The following DAPK1 variants were observed in gnomAD, a reference collection of about 807,000 sequenced individuals.
The protein encoded by DAPK1 is death-associated protein kinase 1.
Under a neutral mutation model 144.9 loss-of-function variants are expected in DAPK1, and 56 were observed. The ratio of observed to expected loss-of-function variants is 0.39; its 90% CI spans 0.31 to 0.48. The LOEUF is 0.48. Among genes scored for constraint, DAPK1 ranks in the 20% least tolerant of loss-of-function variants. The probability of loss-of-function intolerance (pLI) is 0.95; values close to 1 mark genes in which losing one functional copy is unlikely to be tolerated. For missense variants in DAPK1, 1,454 were observed against 1,875.4 expected, an observed-to-expected ratio of 0.78 and a Z score of 4.15; for synonymous variants, 690 against 749.0, an observed-to-expected ratio of 0.92 and a Z score of 1.29.
chr9:87,544,115 A>C (rs1403543018), intron 2 of DAPK1, among the ~76,000 whole-genome samples: 1 of 152,322 alleles, frequency 6.6e-6, no homozygotes, highest in South Asian at 2.1e-4. Flanking sequence ...TCATTATCTA[A>C]ATTTTAGAAA....
chr9:87,568,786 G>A lies in DAPK1; in HGVS notation c.63-36168G>A, dbSNP rs565849965. On this transcript the variant is annotated intron_variant, in intron 2 of 25. Coordinates refer to ENST00000408954, the MANE Select transcript of DAPK1 (RefSeq NM_004938.4). ...GGTCTCTGAGCCATATAGTGTTGGG[G>A]CTGTTGCAAAACTGGTCCACTTCCA... Among the ~76,000 whole-genome samples, 299 of 151,190 alleles carry A rather than the reference G, an allele frequency of 2.0e-3. 1 individual carries two copies. The highest frequency in any genetic ancestry group is 3.7e-3 in the Non-Finnish European group (250 of 67,670).
chr9:87,614,974 G>A (rs533939587), intron 3 of DAPK1, among the ~76,000 whole-genome samples: 59 of 152,310 alleles, frequency 3.9e-4, no homozygotes, highest in Admixed American at 2.2e-3. Flanking sequence ...ACAGGCAGCC[G>A]GGGATGGTTC....
intron 2 of DAPK1, among the ~76,000 whole-genome samples, chr9:87,581,181 C>T (rs900894411): frequency 6.6e-6 from 1 of 152,172 alleles, no homozygotes; most frequent in Non-Finnish European, 1.5e-5. Flanking sequence ...TCCATAGCTT[C>T]GGAAGACGCA....
At chr9:87,679,506 G>T (rs1164163173) in intron 19 of DAPK1, among the ~76,000 whole-genome samples, 1 of 152,134 alleles carries the variant, frequency 6.6e-6, no homozygotes, top group East Asian at 1.9e-4. Flanking sequence ...GCCACATCAC[G>T]TAAACCTTGA....
At chr9:87,523,411 C>T (rs1308016269) in intron 2 of DAPK1, among the ~76,000 whole-genome samples, 1 of 152,102 alleles carries the variant, frequency 6.6e-6, no homozygotes, top group East Asian at 1.9e-4. Flanking sequence ...ATCTTTCCAC[C>T]TCAGCCTCCT....
intron 2 of DAPK1, among the ~76,000 whole-genome samples, chr9:87,500,628 T>A (rs151000412): frequency 9.9e-4 from 151 of 152,310 alleles, no homozygotes; most frequent in African/African-American, 3.4e-3. Flanking sequence ...TCATTATGAT[T>A]TTTTGGTACC....
Position 87,696,725 on chromosome 9 carries a change from CACT to C in DAPK1, c.2414-281_2414-279del, listed in dbSNP as rs776165944. Among the ~76,000 whole-genome samples, 22 of 152,276 alleles carry C rather than the reference CACT, an allele frequency of 1.4e-4. 1 individual carries two copies. The highest frequency in any genetic ancestry group is 4.1e-4 in the South Asian group (2 of 4,828). On this transcript the variant is annotated intron_variant, in intron 21 of 25. Coordinates refer to ENST00000408954, the MANE Select transcript of DAPK1 (RefSeq NM_004938.4). ...GCAAGAACACACTCACTCACTCACT[CACT>C]CCTTCCCACCAGCACCAAGCCATTT... is the stretch of plus-strand genomic sequence containing the variant.
chr9:87,613,926 G>T (rs1433102540), intron 3 of DAPK1, among the ~76,000 whole-genome samples: 1 of 152,150 alleles, frequency 6.6e-6, no homozygotes, highest in Non-Finnish European at 1.5e-5. Flanking sequence ...ATTCACAAAG[G>T]TAATTTCAAG....
At chr9:87,618,325 T>C (rs1455837601) in intron 3 of DAPK1, among the ~76,000 whole-genome samples, 1 of 152,204 alleles carries the variant, frequency 6.6e-6, no homozygotes, top group East Asian at 1.9e-4. Context: ...GCTCAAACAG[T>C]GCTGGTGAGA....
intron 15 of DAPK1, 34 bp from the exon 16 acceptor site, chr9:87,649,887 T>C: frequency 6.2e-7 from 1 of 1,607,024 alleles, no homozygotes; most frequent in Non-Finnish European, 8.5e-7. Flanking sequence ...CATTATTGTG[T>C]TCTCCTCCTC....
chr9:87,506,372 C>T (rs1032904787), intron 2 of DAPK1, among the ~76,000 whole-genome samples: 2 of 152,218 alleles, frequency 1.3e-5, no homozygotes, highest in Admixed American at 1.3e-4. Context: ...CAGGCCTTAA[C>T]GACACACTGG....
chr9:87,544,674 A>G (rs1826174031), intron 2 of DAPK1, among the ~76,000 whole-genome samples: 1 of 152,146 alleles, frequency 6.6e-6, no homozygotes, highest in African/African-American at 2.4e-5. Flanking sequence ...TGGTCCCTAC[A>G]GTCCTTTTTC....
chr9:87,550,156 G>C lies in DAPK1; in HGVS notation c.62+51017G>C, dbSNP rs151039166. 6.0e-3 allele frequency among the ~76,000 whole-genome samples: 909 copies of C among 152,304 alleles called. 10 individuals carry two copies. The highest frequency in any genetic ancestry group is 0.02 in the African/African-American group (846 of 41,554). ...ACAAAACATTAACCGTCACCCTAGA[G>C]AGTTCTCTCTTGCCCCTTCTCAATC... On this transcript the variant is annotated intron_variant, in intron 2 of 25. Coordinates refer to ENST00000408954, the MANE Select transcript of DAPK1 (RefSeq NM_004938.4).
At chr9:87,622,567 G>A (rs1829336556) in intron 3 of DAPK1, among the ~76,000 whole-genome samples, 1 of 152,130 alleles carries the variant, frequency 6.6e-6, no homozygotes, top group Admixed American at 6.5e-5. Context: ...TGGTTTGTTG[G>A]CTTGTTTTAT....
intron 19 of DAPK1, among the ~76,000 whole-genome samples, chr9:87,670,229 G>T (rs1193915987): frequency 1.3e-5 from 2 of 151,974 alleles, no homozygotes; most frequent in Non-Finnish European, 2.9e-5. Flanking sequence ...ATTCAAGAAT[G>T]AGCCTTTTCA....
At chr9:87,700,647 C>T (rs1825425973) in intron 24 of DAPK1, among the ~76,000 whole-genome samples, 1 of 152,028 alleles carries the variant, frequency 6.6e-6, no homozygotes, top group Non-Finnish European at 1.5e-5. Flanking sequence ...TATAGGCACG[C>T]ACCACCATGT....
chr9:87,596,240 G>A (rs1357102188), intron 2 of DAPK1, among the ~76,000 whole-genome samples: 2 of 152,162 alleles, frequency 1.3e-5, no homozygotes, highest in South Asian at 2.1e-4. Context: ...CTCTTCACAC[G>A]CATTCTGCTA....
chr9:87,502,561 G>A (rs568318814), intron 2 of DAPK1, among the ~76,000 whole-genome samples: 57 of 152,286 alleles, frequency 3.7e-4, no homozygotes, highest in African/African-American at 1.1e-3. Flanking sequence ...AGCCTAACCT[G>A]TGAGCCTCCT....
chr9:87,679,182 G>A (rs558070230), intron 19 of DAPK1, among the ~76,000 whole-genome samples: 8 of 152,162 alleles, frequency 5.3e-5, no homozygotes, highest in Admixed American at 1.3e-4. Flanking sequence ...TGGGAATTCC[G>A]TCTGTCCCCG....
Sources: gnomAD v4.1 joint callset for allele counts (sites outside exome capture counted in the v4.1 genomes callset) on GRCh38, gnomAD v4.1.1 for gene constraint, MANE v1.5 for transcripts, NCBI Gene and HGNC (gene_info 2026-07-23, HGNC 2026-07-21) for gene names.